IDE: variants seen among roughly 807,000 people sequenced by gnomAD.
IDE encodes insulin-degrading enzyme.
IDE carries 58 observed loss-of-function variants against 133.2 expected under a neutral mutation model. That is an observed-to-expected ratio of 0.44 (90% CI 0.35 to 0.54). IDE has a LOEUF of 0.54. IDE is among the 20% of genes least tolerant of loss of function. IDE has a pLI of 0.00. For missense variants in IDE, 981 were observed against 1,234.0 expected, an observed-to-expected ratio of 0.79 and a Z score of 3.07; for synonymous variants, 396 against 421.3, an observed-to-expected ratio of 0.94 and a Z score of 0.73.
chr10:92,465,924 T>C, intron 19 of IDE, 81 bp from the exon 20 acceptor site: 1 of 1,137,206 alleles, frequency 8.8e-7, no homozygotes. Context: ...CTGCCCACAC[T>C]TACAGATGAT....
intron 4 of IDE, among the ~76,000 whole-genome samples, chr10:92,528,632 GC>G (rs1849755877): frequency 6.6e-6 from 1 of 152,166 alleles, no homozygotes; most frequent in Non-Finnish European, 1.5e-5. Flanking sequence ...GAGTTTGAAA[GC>G]CACTAATCTA....
intron 4 of IDE, among the ~76,000 whole-genome samples, chr10:92,526,493 A>G (rs1281271987): frequency 1.3e-5 from 2 of 152,152 alleles, no homozygotes; most frequent in Non-Finnish European, 2.9e-5. Context: ...TATGGGCTTC[A>G]TATGCACAAT....
chr10:92,505,641 A>G (rs2135528315), intron 10 of IDE, among the ~76,000 whole-genome samples: 1 of 152,196 alleles, frequency 6.6e-6, no homozygotes, highest in East Asian at 1.9e-4. Context: ...AAACAATAAA[A>G]AAAGGGGCAG....
chr10:92,462,338 A>G (rs1845437128), intron 21 of IDE, among the ~76,000 whole-genome samples: 1 of 146,882 alleles, frequency 6.8e-6, no homozygotes, highest in Admixed American at 6.8e-5. Flanking sequence ...AAAAAAAAAA[A>G]GGCCAGGTGC....
rs111424778 is a variant in IDE at position 92,454,113 on chromosome 10, C to T, written c.*331G>A. The stretch of plus-strand genomic sequence containing the variant: ...AAAAGAGCTAACTTTTAACTTTCTT[C>T]GGACAAGTGACTATTTTACAGAATA... On this transcript the variant is annotated 3_prime_UTR_variant, in exon 25 of 25. Transcript: ENST00000265986. 4 of 172,216 alleles carry T rather than the reference C, an allele frequency of 2.3e-5. No homozygotes were observed. The highest frequency in any genetic ancestry group is 1.2e-4 in the Admixed American group (2 of 17,194). 10.7% of individuals were successfully genotyped at this position (172,216 alleles called of 1,614,324 possible).
chr10:92,545,444 T>C (rs1444507643), intron 1 of IDE, among the ~76,000 whole-genome samples: 2 of 152,322 alleles, frequency 1.3e-5, no homozygotes, highest in South Asian at 4.1e-4. Context: ...AAGGCCATGA[T>C]AAATTACAAA....
chr10:92,488,360 G>A (rs1284692377), intron 12 of IDE, among the ~76,000 whole-genome samples: 2 of 152,150 alleles, frequency 1.3e-5, no homozygotes, highest in Admixed American at 1.3e-4. Context: ...GCCTCCTAAA[G>A]TGCTAGGATT....
chr10:92,563,016 C>G (rs1247492540), intron 1 of IDE, among the ~76,000 whole-genome samples: 2 of 151,766 alleles, frequency 1.3e-5, no homozygotes, highest in Admixed American at 1.3e-4. Context: ...TTTGGGAGGC[C>G]GAGGTGGACA....
At chr10:92,491,960 G>A (rs946789799) in intron 11 of IDE, among the ~76,000 whole-genome samples, 2 of 151,824 alleles carry the variant, frequency 1.3e-5, no homozygotes, top group African/African-American at 2.4e-5. Context: ...AGAGAAGTCA[G>A]ATGGAAAAAA....
intron 3 of IDE, 29 bp from the exon 4 acceptor site, chr10:92,531,946 G>A: frequency 1.4e-6 from 2 of 1,432,290 alleles, no homozygotes; most frequent in East Asian, 5.1e-5. Flanking sequence ...ATTAAAACTT[G>A]AAAGATGTCA....
chr10:92,481,043 T>C (rs1377322452), intron 14 of IDE: 1 of 285,796 alleles, frequency 3.5e-6, no homozygotes, highest in Non-Finnish European at 5.2e-6. Flanking sequence ...TGCCATTAAA[T>C]TTTTTAAGGT....
intron 1 of IDE, among the ~76,000 whole-genome samples, chr10:92,553,538 G>C (rs138251119): frequency 2.6e-4 from 39 of 151,740 alleles, no homozygotes; most frequent in African/African-American, 8.7e-4. Flanking sequence ...GCCAGACAAG[G>C]ACATTACAAG....
At position 92,510,146 on chromosome 10, in the gene IDE, C is replaced by T; in HGVS notation, c.801G>A (p.Leu267=). The T allele has an allele frequency of 6.4e-7, 1 of 1,562,760 alleles. No individual in the cohort carries two copies. Among genetic ancestry groups the T allele is most frequent in the Non-Finnish European group, 8.8e-7 (1 of 1,136,822 alleles). Residue 267 remains leucine (L), a synonymous_variant, in exon 6 of 25, where the codon TTG becomes TTA. Transcript: ENST00000265986. ...AAAATAACTTTACCACCAGATTAGT[C>T]AAGTCATCTAAAGATTCTACAAGAA... The part of the protein sequence containing the change: ...CVLGRESLDD[L]TNLVVKLFSE...
At chr10:92,540,549 A>G (rs563238550) in intron 1 of IDE, among the ~76,000 whole-genome samples, 171 of 152,270 alleles carry the variant, frequency 1.1e-3, no homozygotes, top group Non-Finnish European at 2.1e-3. Context: ...AATCTACTCC[A>G]GGGAGAAAAG....
intron 1 of IDE, chr10:92,573,298 G>A: frequency 2.1e-6 from 1 of 480,642 alleles, no homozygotes; most frequent in Non-Finnish European, 2.7e-6. Context: ...GGTTGTCTCC[G>A]ACGTAAAACA....
chr10:92,479,452 G>A, intron 14 of IDE, 31 bp from the exon 15 acceptor site: 1 of 1,557,170 alleles, frequency 6.4e-7, no homozygotes, highest in South Asian at 1.1e-5. Context: ...TAAAATAGCT[G>A]ATTTTATTAC....
intron 4 of IDE, among the ~76,000 whole-genome samples, chr10:92,515,582 A>T (rs1364351367): frequency 1.5e-4 from 13 of 85,918 alleles, no homozygotes; most frequent in African/African-American, 5.6e-4. Flanking sequence ...TTTTTTTGAG[A>T]CGGAATTTCG....
intron 5 of IDE, among the ~76,000 whole-genome samples, chr10:92,513,531 T>G (rs1848737205): frequency 6.6e-6 from 1 of 152,102 alleles, no homozygotes; most frequent in Non-Finnish European, 1.5e-5. Context: ...GGGGGATATG[T>G]CTTGGAATTT....
At chr10:92,527,347 C>T (rs1206521106) in intron 4 of IDE, among the ~76,000 whole-genome samples, 6 of 152,136 alleles carry the variant, frequency 3.9e-5, no homozygotes, top group Non-Finnish European at 2.9e-5. Flanking sequence ...ACTGTAACAA[C>T]TAGAACTTTA....
Sources: gnomAD v4.1 joint callset for allele counts (sites outside exome capture counted in the v4.1 genomes callset) on GRCh38, gnomAD v4.1.1 for gene constraint, MANE v1.5 for transcripts, NCBI Gene and HGNC (gene_info 2026-07-23, HGNC 2026-07-21) for gene names.